Variants in UCHL3 observed in about 807,000 individuals in gnomAD.
UCHL3 encodes the protein ubiquitin carboxyl-terminal hydrolase isozyme L3.
UCHL3 carries 22 observed loss-of-function variants against 35.8 expected under a neutral mutation model. The observed-to-expected ratio is 0.61, with a 90% confidence interval of 0.44 to 0.88. UCHL3 has a LOEUF of 0.88. UCHL3 is among the 40% of genes least tolerant of loss of function. The pLI is 0.00. For synonymous variants in UCHL3, 90 were observed against 92.8 expected (o/e 0.97, Z 0.17); for missense variants, 229 against 276.9 (o/e 0.83, Z 1.23).
At chr13:75,596,947 C>T (rs2138579294) in intron 7 of UCHL3, among the ~76,000 whole-genome samples, 1 of 152,214 alleles carries the variant, frequency 6.6e-6, no homozygotes, top group African/African-American at 2.4e-5. Context: ...TATTCTTTAT[C>T]AAGAAGAATG....
intron 7 of UCHL3, among the ~76,000 whole-genome samples, chr13:75,597,531 A>G (rs182084467): frequency 6.6e-6 from 1 of 152,354 alleles, no homozygotes; most frequent in African/African-American, 2.4e-5. Context: ...ACAAATTTTG[A>G]AAACAACATA....
chr13:75,568,475 GTATA>G (rs138711361), intron 5 of UCHL3, among the ~76,000 whole-genome samples: 1 of 150,908 alleles, frequency 6.6e-6, no homozygotes, highest in Non-Finnish European at 1.5e-5. Context: ...TTTAGGGAGT[GTATA>G]TATATATACA....
At chr13:75,562,319 A>C (rs2031545212) in intron 3 of UCHL3, among the ~76,000 whole-genome samples, 2 of 152,130 alleles carry the variant, frequency 1.3e-5, no homozygotes, top group Non-Finnish European at 1.5e-5. Flanking sequence ...CATAATAGAG[A>C]AATTTGGAGT....
rs1317874395 is a variant in UCHL3 at position 75,549,816 on chromosome 13, C to G, written c.-5C>G. 1.9e-6 allele frequency: 3 copies of G among 1,555,318 alleles called. No homozygotes were observed. Among genetic ancestry groups the G allele is most frequent in the Non-Finnish European group, 2.6e-6 (3 of 1,156,248 alleles). On this transcript the variant is annotated 5_prime_UTR_variant, in exon 1 of 9. Transcript: ENST00000377595. ...GTCAGAGCTGGAGGGCCGGGCACCGCGGCCATGGAGGGTCAACGCTGGCTG... is the reference window on the plus strand; with the variant it reads ...GTCAGAGCTGGAGGGCCGGGCACCGGGGCCATGGAGGGTCAACGCTGGCTG...
chr13:75,592,443 T>TACACATATAC (rs1242637038), intron 6 of UCHL3, among the ~76,000 whole-genome samples: 1 of 78,434 alleles, frequency 1.3e-5, no homozygotes, highest in African/African-American at 4.9e-5. Context: ...TATATATATA[T>TACACATATAC]ATATATATAT....
At chr13:75,577,999 ACAG>A (rs1222672921) in intron 6 of UCHL3, among the ~76,000 whole-genome samples, 1 of 152,186 alleles carries the variant, frequency 6.6e-6, no homozygotes, top group Non-Finnish European at 1.5e-5. Context: ...ATGAAAAATA[ACAG>A]CAGTATTGTT....
chr13:75,566,228 T>C (rs994669163), intron 3 of UCHL3, among the ~76,000 whole-genome samples: 1 of 152,228 alleles, frequency 6.6e-6, no homozygotes, highest in Non-Finnish European at 1.5e-5. Context: ...TTGTTATTAA[T>C]ATAAACTGAC....
At chr13:75,579,399 G>T (rs2032115626) in intron 6 of UCHL3, among the ~76,000 whole-genome samples, 1 of 151,806 alleles carries the variant, frequency 6.6e-6, no homozygotes, top group Non-Finnish European at 1.5e-5. Context: ...TCTTTTGGAG[G>T]CGATTTTATT....
chr13:75,588,670 A>G (rs2032395388), intron 6 of UCHL3, among the ~76,000 whole-genome samples: 1 of 152,204 alleles, frequency 6.6e-6, no homozygotes, highest in Non-Finnish European at 1.5e-5. Flanking sequence ...AAGTAGGATT[A>G]GAGAATTTTC....
At chr13:75,569,863 C>A (rs1480195682) in intron 6 of UCHL3, among the ~76,000 whole-genome samples, 1 of 152,192 alleles carries the variant, frequency 6.6e-6, no homozygotes, top group Admixed American at 6.5e-5. Flanking sequence ...AGTTAAATAG[C>A]CTGTGTCTTT....
At chr13:75,590,681 G>A (rs749852276) in intron 6 of UCHL3, among the ~76,000 whole-genome samples, 2 of 152,020 alleles carry the variant, frequency 1.3e-5, no homozygotes, top group African/African-American at 4.8e-5. Context: ...CAGGTACTTG[G>A]TTTAATCTTG....
intron 6 of UCHL3, among the ~76,000 whole-genome samples, chr13:75,577,505 G>C (rs1004245525): frequency 2.6e-5 from 4 of 152,086 alleles, no homozygotes; most frequent in Non-Finnish European, 5.9e-5. Context: ...CTTCAGGGGG[G>C]TCCTGAAACC....
At chr13:75,566,640 G>A in intron 3 of UCHL3, 55 bp from the exon 4 acceptor site, 1 of 1,147,538 alleles carries the variant, frequency 8.7e-7, no homozygotes, top group Non-Finnish European at 1.1e-6. Flanking sequence ...TACAGACTGA[G>A]TTTTTTAATA....
At chr13:75,584,804 G>A (rs565672668) in intron 6 of UCHL3, among the ~76,000 whole-genome samples, 1 of 152,140 alleles carries the variant, frequency 6.6e-6, no homozygotes, top group African/African-American at 2.4e-5. Flanking sequence ...TGAAAAATAC[G>A]GTACTAGAGA....
intron 2 of UCHL3, among the ~76,000 whole-genome samples, chr13:75,553,996 C>G (rs1026679291): frequency 9.2e-5 from 14 of 152,168 alleles, no homozygotes; most frequent in African/African-American, 3.4e-4. Flanking sequence ...TGCTATCTAC[C>G]AGCTCTGAGA....
chr13:75,571,765 C>T (rs1593735256), intron 6 of UCHL3, among the ~76,000 whole-genome samples: 1 of 152,262 alleles, frequency 6.6e-6, no homozygotes, highest in Non-Finnish European at 1.5e-5. Context: ...CTTTTTTACA[C>T]TGCTGTGTAC....
chr13:75,583,759 A>G (rs996651526), intron 6 of UCHL3, among the ~76,000 whole-genome samples: 29 of 152,240 alleles, frequency 1.9e-4, no homozygotes, highest in Admixed American at 1.8e-3. Flanking sequence ...GCCATGAAAA[A>G]TGATGTAGAG....
chr13:75,571,057 G>A (rs1399911228), intron 6 of UCHL3, among the ~76,000 whole-genome samples: 1 of 152,144 alleles, frequency 6.6e-6, no homozygotes, highest in East Asian at 1.9e-4. Context: ...ATGAAATGCT[G>A]TTTTGTATTG....
chr13:75,564,372 G>A (rs563736089), intron 3 of UCHL3, among the ~76,000 whole-genome samples: 1 of 152,048 alleles, frequency 6.6e-6, no homozygotes, highest in South Asian at 2.1e-4. Flanking sequence ...GGATGGTCTC[G>A]ATCTCCTGAC....
Sources: gnomAD v4.1 joint callset for allele counts (sites outside exome capture counted in the v4.1 genomes callset) on GRCh38, gnomAD v4.1.1 for gene constraint, MANE v1.5 for transcripts, NCBI Gene and HGNC (gene_info 2026-07-23, HGNC 2026-07-21) for gene names.